The following RSRC1 variants were observed in gnomAD, a reference collection of about 807,000 sequenced individuals.
RSRC1 encodes serine/Arginine-related protein 53.
In RSRC1, 39 loss-of-function variants were observed where a neutral mutation model predicts 49.1. The ratio of observed to expected loss-of-function variants is 0.79; its 90% CI spans 0.61 to 1.04. RSRC1 has a LOEUF of 1.04. Ranked by LOEUF, RSRC1 falls within the 50% of genes least tolerant of loss-of-function variation. The pLI, the probability that RSRC1 is intolerant of heterozygous loss-of-function variation, is 0.00. For missense variants in RSRC1, 388 were observed against 402.4 expected, an observed-to-expected ratio of 0.96 and a Z score of 0.31; for synonymous variants, 143 against 130.8, an observed-to-expected ratio of 1.09 and a Z score of -0.63.
At chr3:158,407,938 G>A (rs75309300) in intron 6 of RSRC1, among the ~76,000 whole-genome samples, 3,050 of 152,268 alleles carry the variant, frequency 0.02, 83 homozygotes, top group African/African-American at 0.07. Context: ...AAAGAACCCA[G>A]ACAGACAAGA....
At chr3:158,241,530 T>G (rs1298899730) in intron 4 of RSRC1, among the ~76,000 whole-genome samples, 2 of 151,520 alleles carry the variant, frequency 1.3e-5, no homozygotes, top group African/African-American at 2.4e-5. Flanking sequence ...AAACACCAAG[T>G]GTAGACTATT....
Position 158,172,082 on chromosome 3 carries a change from ATCT to A in RSRC1, c.321-30985_321-30983del, listed in dbSNP as rs539940040. Among the ~76,000 whole-genome samples, 513 of 152,344 alleles carry A rather than the reference ATCT, an allele frequency of 3.4e-3. 4 individuals are homozygous for A. The highest frequency in any genetic ancestry group is 0.012 in the African/African-American group (486 of 41,592). On this transcript the variant is annotated intron_variant, in intron 3 of 9. Transcript: ENST00000611884. ...GTAACATGTGAGACAATAATAAAAT[ATCT>A]TCTTATATGTGTGTAATTAGAGTTT...
At chr3:158,322,046 C>T (rs1728794476) in intron 5 of RSRC1, among the ~76,000 whole-genome samples, 1 of 151,842 alleles carries the variant, frequency 6.6e-6, no homozygotes, top group Non-Finnish European at 1.5e-5. Flanking sequence ...AATCACAGTG[C>T]TCTTCATGCC....
At chr3:158,212,830 C>A (rs1207028912) in intron 4 of RSRC1, among the ~76,000 whole-genome samples, 1 of 151,910 alleles carries the variant, frequency 6.6e-6, no homozygotes, top group Admixed American at 6.6e-5. Context: ...TCACTCATTA[C>A]AGTTCTAATT....
At chr3:158,386,093 G>T (rs970117872) in intron 6 of RSRC1, among the ~76,000 whole-genome samples, 8 of 151,936 alleles carry the variant, frequency 5.3e-5, no homozygotes, top group Non-Finnish European at 1.2e-4. Flanking sequence ...TAGATTTAGG[G>T]ATGATTACAA....
chr3:158,527,432 A>G (rs987819011), intron 7 of RSRC1, among the ~76,000 whole-genome samples: 1 of 151,944 alleles, frequency 6.6e-6, no homozygotes, highest in Non-Finnish European at 1.5e-5. Context: ...GAATATAAGC[A>G]GAATACATCT....
intron 7 of RSRC1, among the ~76,000 whole-genome samples, chr3:158,523,783 G>C (rs1044031972): frequency 9.2e-5 from 14 of 152,086 alleles, no homozygotes; most frequent in African/African-American, 3.1e-4. Context: ...GGAATGAGCA[G>C]GAGCATGGTC....
chr3:158,330,828 A>T (rs1729498741), intron 5 of RSRC1, among the ~76,000 whole-genome samples: 1 of 151,922 alleles, frequency 6.6e-6, no homozygotes, highest in Non-Finnish European at 1.5e-5. Flanking sequence ...AGAGTTTTAC[A>T]TCTGTATTAG....
intron 6 of RSRC1, among the ~76,000 whole-genome samples, chr3:158,441,604 G>C (rs892775734): frequency 6.6e-6 from 1 of 152,016 alleles, no homozygotes; most frequent in Admixed American, 6.6e-5. Context: ...TTATTCTCAA[G>C]TAATACTTCT....
chr3:158,276,113 C>T (rs1323930109), intron 4 of RSRC1: 1 of 917,676 alleles, frequency 1.1e-6, no homozygotes, highest in Non-Finnish European at 1.8e-6. Flanking sequence ...CCAGCTCACT[C>T]CTCTGCAACG....
At chr3:158,437,410 G>A (rs1736110116) in intron 6 of RSRC1, among the ~76,000 whole-genome samples, 1 of 151,486 alleles carries the variant, frequency 6.6e-6, no homozygotes, top group Admixed American at 6.6e-5. Context: ...TAAATAAATG[G>A]TTACAGTATA....
chr3:158,148,066 T>C (rs1019236184), intron 3 of RSRC1, among the ~76,000 whole-genome samples: 2 of 152,190 alleles, frequency 1.3e-5, no homozygotes, highest in Non-Finnish European at 2.9e-5. Context: ...TGAATAGCTT[T>C]GAGATATTGT....
intron 6 of RSRC1, among the ~76,000 whole-genome samples, chr3:158,439,377 C>T (rs570929609): frequency 1.3e-4 from 20 of 152,122 alleles, no homozygotes; most frequent in South Asian, 4.2e-4. Flanking sequence ...GTGTTTATTG[C>T]GGCACTATTC....
intron 6 of RSRC1, among the ~76,000 whole-genome samples, chr3:158,393,347 C>T (rs1037305599): frequency 1.3e-5 from 2 of 151,652 alleles, no homozygotes; most frequent in East Asian, 3.9e-4. Flanking sequence ...TTGAAACACA[C>T]ACACACACAA....
Position 158,346,320 on chromosome 3 carries a change from A to T in RSRC1, c.532-8537A>T, listed in dbSNP as rs75304582. Among the ~76,000 whole-genome samples the T allele has an allele frequency of 7.7e-3, 1,180 of 152,272 alleles. 16 individuals carry two copies. Among genetic ancestry groups the T allele is most frequent in the African/African-American group, 0.028 (1,143 of 41,560 alleles). Reference sequence around the variant, plus strand: ...GAGCAAGAACCTGCCTCTTAAAAAGAAAAAGAAGGAGAAGAAGAAATTGAT... The same window carrying T: ...GAGCAAGAACCTGCCTCTTAAAAAGTAAAAGAAGGAGAAGAAGAAATTGAT... On this transcript the variant is annotated intron_variant, in intron 5 of 9. Coordinates refer to ENST00000611884, the MANE Select transcript of RSRC1 (RefSeq NM_001271838.2).
intron 6 of RSRC1, among the ~76,000 whole-genome samples, chr3:158,436,704 A>G (rs193080920): frequency 1.7e-4 from 26 of 152,016 alleles, no homozygotes; most frequent in African/African-American, 6.3e-4. Flanking sequence ...AACAATAATT[A>G]CTATATTTAA....
intron 3 of RSRC1, among the ~76,000 whole-genome samples, chr3:158,156,749 C>A (rs933055468): frequency 3.9e-5 from 6 of 152,194 alleles, no homozygotes; most frequent in African/African-American, 1.4e-4. Context: ...AGAACACACA[C>A]ATCTATTTAA....
intron 3 of RSRC1, among the ~76,000 whole-genome samples, chr3:158,159,092 A>G (rs1370920355): frequency 6.6e-6 from 1 of 152,160 alleles, no homozygotes; most frequent in Non-Finnish European, 1.5e-5. Flanking sequence ...TCTCTTGTCC[A>G]GTAAGGAACA....
intron 3 of RSRC1, among the ~76,000 whole-genome samples, chr3:158,155,164 A>G (rs1211250151): frequency 6.6e-6 from 1 of 152,140 alleles, no homozygotes; most frequent in Non-Finnish European, 1.5e-5. Context: ...TGAATCAGAA[A>G]TGTTCTTAAT....
Sources: gnomAD v4.1 joint callset for allele counts (sites outside exome capture counted in the v4.1 genomes callset) on GRCh38, gnomAD v4.1.1 for gene constraint, MANE v1.5 for transcripts, NCBI Gene and HGNC (gene_info 2026-07-23, HGNC 2026-07-21) for gene names.